MAGI2: variants seen among roughly 807,000 people sequenced by gnomAD.
MAGI2 encodes membrane associated guanylate kinase, WW and PDZ domain containing 2.
In MAGI2, 35 loss-of-function variants were observed where a neutral mutation model predicts 133.3. The observed-to-expected ratio is 0.26, with a 90% CI of 0.20 to 0.35. The LOEUF is 0.35. Among genes scored for constraint, MAGI2 ranks in the 10% least tolerant of loss-of-function variants. The pLI, the probability that MAGI2 is intolerant of heterozygous loss-of-function variation, is 1.00. For missense variants in MAGI2, 1,636 were observed against 1,863.4 expected (o/e 0.88, Z 2.25); for synonymous variants, 729 against 710.6 (o/e 1.03, Z -0.41).
chr7:78,506,361 C>A (rs1795088348), intron 4 of MAGI2, among the ~76,000 whole-genome samples: 1 of 151,914 alleles, frequency 6.6e-6, no homozygotes. Context: ...GACGTCAAGT[C>A]AGAGAATTCT....
At chr7:78,692,941 C>T (rs555441541) in intron 2 of MAGI2, among the ~76,000 whole-genome samples, 1 of 152,148 alleles carries the variant, frequency 6.6e-6, no homozygotes, top group Non-Finnish European at 1.5e-5. Flanking sequence ...CTTTTACTTA[C>T]TAGTCTTATA....
At chr7:78,025,337 C>T (rs1360297803) in intron 21 of MAGI2, among the ~76,000 whole-genome samples, 1 of 151,988 alleles carries the variant, frequency 6.6e-6, no homozygotes, top group Non-Finnish European at 1.5e-5. Context: ...AGCAGCTTCT[C>T]GATTTTATTT....
chr7:78,683,511 G>A (rs919147337), intron 2 of MAGI2, among the ~76,000 whole-genome samples: 4 of 152,112 alleles, frequency 2.6e-5, no homozygotes, highest in African/African-American at 9.7e-5. Context: ...TTTGGAAGAC[G>A]GAGTTAGAAA....
intron 20 of MAGI2, among the ~76,000 whole-genome samples, chr7:78,084,480 CGTGTAAGTT>C (rs968216444): frequency 7.2e-5 from 7 of 97,318 alleles, no homozygotes; most frequent in African/African-American, 2.7e-4. Context: ...ATTTGCATGC[CGTGTAAGTT>C]AAGCTTTAGG....
chr7:78,698,658 G>C (rs1308464928), intron 2 of MAGI2, among the ~76,000 whole-genome samples: 1 of 152,190 alleles, frequency 6.6e-6, no homozygotes, highest in Non-Finnish European at 1.5e-5. Context: ...ACAAAGGAAA[G>C]AGGTTTAATT....
intron 1 of MAGI2, among the ~76,000 whole-genome samples, chr7:79,199,841 G>C (rs944363336): frequency 4.0e-5 from 6 of 151,896 alleles, no homozygotes; most frequent in Non-Finnish European, 5.9e-5. Flanking sequence ...ACTCATTTCT[G>C]CATTTTTTGG....
intron 6 of MAGI2, among the ~76,000 whole-genome samples, chr7:78,478,655 C>T (rs1792033833): frequency 6.6e-6 from 1 of 151,788 alleles, no homozygotes; most frequent in Non-Finnish European, 1.5e-5. Context: ...CCATTTCCTC[C>T]TCTCCAAATA....
At chr7:78,508,074 T>G (rs1349932907) in intron 4 of MAGI2, among the ~76,000 whole-genome samples, 1 of 152,206 alleles carries the variant, frequency 6.6e-6, no homozygotes, top group Non-Finnish European at 1.5e-5. Flanking sequence ...ATAATTGCAG[T>G]CTTCACATGG....
intron 1 of MAGI2, among the ~76,000 whole-genome samples, chr7:79,214,395 CTCTCTCTCTCTCTATATATATA>C (rs1462733144): frequency 9.9e-4 from 88 of 89,056 alleles, no homozygotes; most frequent in East Asian, 4.8e-3. Context: ...CTCTCTCTCT[CTCTCTCTCTCTCTATATATATA>C]TATATATATA....
intron 1 of MAGI2, among the ~76,000 whole-genome samples, chr7:79,282,423 G>A (rs1325574481): frequency 6.6e-6 from 1 of 152,176 alleles, no homozygotes; most frequent in Non-Finnish European, 1.5e-5. Flanking sequence ...TGAGGATGGA[G>A]AAGAAACGAA....
At chr7:78,225,096 T>C (rs1370918704) in intron 10 of MAGI2, among the ~76,000 whole-genome samples, 2 of 152,112 alleles carry the variant, frequency 1.3e-5, no homozygotes, top group African/African-American at 4.8e-5. Flanking sequence ...CTGGAGTCTT[T>C]CTTTGGGATA....
intron 9 of MAGI2, among the ~76,000 whole-genome samples, chr7:78,331,654 T>C (rs551627296): frequency 6.6e-6 from 1 of 152,206 alleles, no homozygotes; most frequent in Non-Finnish European, 1.5e-5. Context: ...TATCTTCCAG[T>C]CCATTTCTAT....
At chr7:78,768,742 C>A (rs1563480510) in intron 2 of MAGI2, among the ~76,000 whole-genome samples, 1 of 152,156 alleles carries the variant, frequency 6.6e-6, no homozygotes, top group African/African-American at 2.4e-5. Flanking sequence ...TGGAAACTAG[C>A]ATAAAATTTA....
chr7:79,449,349 T>C (rs1330207118), intron 1 of MAGI2, among the ~76,000 whole-genome samples: 1 of 115,150 alleles, frequency 8.7e-6, no homozygotes, highest in Non-Finnish European at 2.0e-5. Context: ...TGGGAAGAAT[T>C]AGAATTTTTT....
chr7:79,243,447 A>T (rs1180806636), intron 1 of MAGI2, among the ~76,000 whole-genome samples: 3 of 152,184 alleles, frequency 2.0e-5, no homozygotes. Context: ...GGGATATTAT[A>T]ATAAGGGCCA....
Position 78,446,747 on chromosome 7 carries a change from G to T in MAGI2, c.1045+43014C>A, listed in dbSNP as rs561690685. 3.3e-5 allele frequency among the ~76,000 whole-genome samples: 5 copies of T among 152,156 alleles called. No homozygotes were observed. In the South Asian group the frequency reaches 1.0e-3, roughly 32 times the overall value. On this transcript the variant is annotated intron_variant, in intron 6 of 21. Transcript: ENST00000354212. Reference sequence around the variant, plus strand: ...ACATATGAACTAAAAATGCTAACTTGTTCATAGTTTTTCCAAGGTTTTGCT... The same window carrying T: ...ACATATGAACTAAAAATGCTAACTTTTTCATAGTTTTTCCAAGGTTTTGCT...
intron 6 of MAGI2, chr7:78,485,548 G>T (rs767120996): frequency 6.6e-6 from 1 of 151,940 alleles, no homozygotes; most frequent in African/African-American, 2.4e-5. Flanking sequence ...TAATACCAAT[G>T]AGAAAACTTT....
intron 2 of MAGI2, among the ~76,000 whole-genome samples, chr7:78,838,404 C>T (rs948363450): frequency 1.9e-4 from 29 of 152,070 alleles, no homozygotes; most frequent in Middle Eastern, 6.8e-3. Flanking sequence ...ATCACTGTTA[C>T]ACCAACTGGC....
At chr7:79,445,559 G>GA (rs1333434858) in intron 1 of MAGI2, among the ~76,000 whole-genome samples, 1 of 152,192 alleles carries the variant, frequency 6.6e-6, no homozygotes, top group Admixed American at 6.5e-5. Flanking sequence ...AAAGACACAT[G>GA]AAAAAATGCT....
Sources: gnomAD v4.1 joint callset for allele counts (sites outside exome capture counted in the v4.1 genomes callset) on GRCh38, gnomAD v4.1.1 for gene constraint, MANE v1.5 for transcripts, NCBI Gene and HGNC (gene_info 2026-07-23, HGNC 2026-07-21) for gene names.